Variants in STK32B observed in about 807,000 individuals in gnomAD.
STK32B encodes the protein serine/threonine kinase 32B.
In STK32B, 43 loss-of-function variants were observed where a neutral mutation model predicts 52.6. The observed-to-expected ratio is 0.82, with a 90% CI of 0.64 to 1.05. The LOEUF (loss-of-function observed/expected upper bound fraction) is 1.05. STK32B is among the 50% of genes least tolerant of loss of function. The pLI is 0.00. For synonymous variants in STK32B, 238 were observed against 204.3 expected (o/e 1.17, Z -1.41); for missense variants, 621 against 534.6 (o/e 1.16, Z -1.59).
chr4:5,076,713 C>T (rs1712094550), intron 1 of STK32B, among the ~76,000 whole-genome samples: 1 of 152,098 alleles, frequency 6.6e-6, no homozygotes, highest in Non-Finnish European at 1.5e-5. Flanking sequence ...GAACTCTGTA[C>T]ATGGTAATTA....
intron 1 of STK32B, among the ~76,000 whole-genome samples, chr4:5,130,028 CAGT>C (rs1188686216): frequency 2.6e-5 from 4 of 152,014 alleles, no homozygotes; most frequent in Admixed American, 2.0e-4. Flanking sequence ...ATAAACAAGT[CAGT>C]AGGAGGACAA....
chr4:5,096,823 T>C (rs1039125204), intron 1 of STK32B, among the ~76,000 whole-genome samples: 1 of 152,174 alleles, frequency 6.6e-6, no homozygotes, highest in East Asian at 1.9e-4. Context: ...ATATTAACAC[T>C]CCTAATAACT....
At chr4:5,173,610 G>A (rs186381316) in intron 3 of STK32B, among the ~76,000 whole-genome samples, 73 of 152,238 alleles carry the variant, frequency 4.8e-4, no homozygotes, top group South Asian at 2.1e-3. Context: ...GTAGTTGAGC[G>A]GTTTTGAGTG....
At chr4:5,274,186 T>C (rs774895233) in intron 3 of STK32B, among the ~76,000 whole-genome samples, 1 of 152,118 alleles carries the variant, frequency 6.6e-6, no homozygotes, top group Non-Finnish European at 1.5e-5. Flanking sequence ...TAAAACAACT[T>C]TAAAAAGTGA....
At chr4:5,449,297 C>A (rs752578016) in intron 7 of STK32B, among the ~76,000 whole-genome samples, 1 of 152,118 alleles carries the variant, frequency 6.6e-6, no homozygotes, top group Non-Finnish European at 1.5e-5. Flanking sequence ...GAGCCAAGAT[C>A]GTGCCACTGC....
intron 4 of STK32B, among the ~76,000 whole-genome samples, chr4:5,371,655 A>G (rs1735253526): frequency 6.6e-6 from 1 of 152,214 alleles, no homozygotes; most frequent in Non-Finnish European, 1.5e-5. Flanking sequence ...ACATTTGCCA[A>G]AGGGGCCAGA....
chr4:5,136,651 C>A (rs1185256158), intron 1 of STK32B, among the ~76,000 whole-genome samples: 1 of 152,198 alleles, frequency 6.6e-6, no homozygotes, highest in East Asian at 1.9e-4. Flanking sequence ...TCACACCCCC[C>A]AGCCAATTCT....
intron 4 of STK32B, among the ~76,000 whole-genome samples, chr4:5,352,139 G>A (rs1470235037): frequency 6.6e-6 from 1 of 151,854 alleles, no homozygotes; most frequent in Non-Finnish European, 1.5e-5. Context: ...CAAGGATACA[G>A]CAACAAAAGA....
intron 1 of STK32B, among the ~76,000 whole-genome samples, chr4:5,135,732 C>A (rs559944233): frequency 6.6e-6 from 1 of 152,252 alleles, no homozygotes. Flanking sequence ...ATATCACGTC[C>A]ACATTGAAGG....
intron 1 of STK32B, among the ~76,000 whole-genome samples, chr4:5,089,859 A>G (rs961978940): frequency 5.9e-5 from 9 of 151,942 alleles, no homozygotes; most frequent in African/African-American, 1.9e-4. Flanking sequence ...AACCTCATCT[A>G]TTTCTCCACA....
intron 11 of STK32B, among the ~76,000 whole-genome samples, chr4:5,482,423 G>A (rs182518928): frequency 6.6e-6 from 1 of 152,086 alleles, no homozygotes; most frequent in Non-Finnish European, 1.5e-5. Context: ...TGTGATTTTT[G>A]TACATTGATT....
chr4:5,072,319 G>A (rs1711831808), intron 1 of STK32B, among the ~76,000 whole-genome samples: 1 of 152,022 alleles, frequency 6.6e-6, no homozygotes. Flanking sequence ...ACCTCCAATT[G>A]CACTCCTGCT....
intron 1 of STK32B, among the ~76,000 whole-genome samples, chr4:5,056,038 G>C (rs542563370): frequency 6.6e-6 from 1 of 152,280 alleles, no homozygotes; most frequent in South Asian, 2.1e-4. Flanking sequence ...CCATCAGCAG[G>C]AGGTGAGTAG....
At chr4:5,182,146 G>C (rs1577153918) in intron 3 of STK32B, among the ~76,000 whole-genome samples, 1 of 152,150 alleles carries the variant, frequency 6.6e-6, no homozygotes, top group Non-Finnish European at 1.5e-5. Context: ...TTCAAGTGTG[G>C]TCATGAGATT....
chr4:5,437,953 GA>G (rs1714245683), intron 6 of STK32B: 1 of 985,414 alleles, frequency 1.0e-6, no homozygotes, highest in African/African-American at 1.7e-5. Context: ...GGGGAGGAGG[GA>G]ATGTCACCTT....
chr4:5,367,043 G>T (rs146862065), intron 4 of STK32B, among the ~76,000 whole-genome samples: 2 of 152,086 alleles, frequency 1.3e-5, no homozygotes, highest in Non-Finnish European at 2.9e-5. Context: ...GCCAACTCCA[G>T]TGTCCTCCAC....
intron 4 of STK32B, among the ~76,000 whole-genome samples, chr4:5,377,435 G>A (rs952147436): frequency 2.6e-5 from 4 of 151,962 alleles, no homozygotes; most frequent in South Asian, 2.1e-4. Context: ...ACCTATAAGC[G>A]CCTTCTTACT....
At chr4:5,486,939 T>C (rs1015028165) in intron 11 of STK32B, among the ~76,000 whole-genome samples, 1 of 152,226 alleles carries the variant, frequency 6.6e-6, no homozygotes, top group Non-Finnish European at 1.5e-5. Context: ...CAAGTTCTGA[T>C]TGGTAAGTAA....
intron 4 of STK32B, among the ~76,000 whole-genome samples, chr4:5,353,092 G>A (rs1299272851): frequency 1.3e-5 from 2 of 151,962 alleles, no homozygotes; most frequent in Non-Finnish European, 2.9e-5. Context: ...AGAAAATACA[G>A]AAATAAATCC....
Sources: gnomAD v4.1 joint callset for allele counts (sites outside exome capture counted in the v4.1 genomes callset) on GRCh38, gnomAD v4.1.1 for gene constraint, MANE v1.5 for transcripts, NCBI Gene and HGNC (gene_info 2026-07-23, HGNC 2026-07-21) for gene names.